Variants in DNTT observed in about 807,000 individuals in gnomAD.
DNTT encodes DNA nucleotidylexotransferase.
A neutral mutation model predicts 60.9 loss-of-function variants in DNTT; 47 were observed. The ratio of observed to expected loss-of-function variants is 0.77; its 90% CI spans 0.61 to 0.98. DNTT has a LOEUF of 0.98. Ranked by LOEUF, DNTT falls within the 50% of genes least tolerant of loss-of-function variation. DNTT has a pLI of 0.00. For synonymous variants in DNTT, 224 were observed against 221.2 expected (o/e 1.01, Z -0.11); for missense variants, 665 against 627.5 (o/e 1.06, Z -0.64).
Position 96,304,586 on chromosome 10 carries a change from T to C in DNTT, c.89T>C (p.Ile30Thr), listed in dbSNP as rs142422958. The C allele has an allele frequency of 1.2e-6, 2 of 1,614,108 alleles. No homozygotes were observed. The highest frequency in any genetic ancestry group is 2.7e-5 in the African/African-American group (2 of 75,010). The change falls in exon 1 of 11, where the codon ATC (isoleucine) becomes ACC (threonine). Residue 30 changes from isoleucine to threonine, a missense_variant. Physicochemically the swap from Ile to Thr is moderately conservative, Grantham distance 89. Coordinates refer to ENST00000371174, the MANE Select transcript of DNTT (RefSeq NM_004088.4). ...TTGATGGCCTCCTCTCCTCAAGACA[T>C]CAAATTTCAAGATTTGGTCGTCTTC... is the stretch of plus-strand genomic sequence containing the variant. ...GALMASSPQD[I>T]KFQDLVVFIL...
Position 96,320,604 on chromosome 10 carries a change from G to A in DNTT, c.508-14G>A. The A allele has an allele frequency of 1.2e-6, 2 of 1,612,980 alleles. No homozygotes were observed. The highest frequency in any genetic ancestry group is 8.5e-7 in the Non-Finnish European group (1 of 1,179,318). On this transcript the variant is annotated splice_polypyrimidine_tract_variant and intron_variant, in intron 3 of 10. Coordinates refer to ENST00000371174, the MANE Select transcript of DNTT (RefSeq NM_004088.4). ...TGGAAGCAAATCTCCTGCTTATCTG[G>A]TTTTATCCTGCAGGATGCCTTTGAT...
chr10:96,324,954 G>A (rs996852343), intron 6 of DNTT, among the ~76,000 whole-genome samples: 2 of 152,148 alleles, frequency 1.3e-5, no homozygotes, highest in East Asian at 3.9e-4. Context: ...TAGGCACAGG[G>A]TTGATATACC....
chr10:96,330,824 C>G (rs1844998615), intron 8 of DNTT, among the ~76,000 whole-genome samples: 1 of 152,154 alleles, frequency 6.6e-6, no homozygotes, highest in Admixed American at 6.5e-5. Flanking sequence ...ACTCTGGGGA[C>G]AGAGCCCTGC....
Position 96,310,482 on chromosome 10 carries a change from TAC to T in DNTT, c.203+5784_203+5785del, listed in dbSNP as rs1229309253. ...CAAACACAGATTCCCTGGTTTTCTT[TAC>T]AGTTTTTCTTGCTCTTTCCCTACCA... On this transcript the variant is annotated intron_variant, in intron 1 of 10. Coordinates refer to ENST00000371174, the MANE Select transcript of DNTT (RefSeq NM_004088.4). 4.6e-5 allele frequency among the ~76,000 whole-genome samples: 7 copies of T among 151,738 alleles called. No homozygotes were observed. In the South Asian group the frequency reaches 1.3e-3, roughly 27 times the overall value.
At position 96,320,748 on chromosome 10, in the gene DNTT, G is replaced by T; in HGVS notation, c.638G>T (p.Gly213Val). ...FTIISMKDTE[G>V]IPCLGSKVKG... ...ATCATCAGTATGAAGGACACAGAAG[G>T]AATTCCCTGCCTGGGGTCCAAGGTG... Residue 213 changes from glycine to valine, a missense_variant, in exon 4 of 11, where the codon GGA (glycine) becomes GTA (valine). By Grantham distance (109) the Gly-to-Val change is moderately radical (BLOSUM62 -3). Coordinates refer to ENST00000371174, the MANE Select transcript of DNTT (RefSeq NM_004088.4). 1 of 1,613,822 alleles carries T rather than the reference G, an allele frequency of 6.2e-7. No individual in the cohort carries two copies. The highest frequency in any genetic ancestry group is 8.5e-7 in the Non-Finnish European group (1 of 1,179,776).
intron 9 of DNTT, 62 bp downstream of exon 9, chr10:96,332,658 C>T: frequency 6.3e-7 from 1 of 1,582,866 alleles, no homozygotes; most frequent in South Asian, 1.2e-5. Context: ...GCCGAGTCTA[C>T]CTGGGCCCAG....
chr10:96,336,463 A>G (rs1845070943), intron 10 of DNTT, among the ~76,000 whole-genome samples: 1 of 152,170 alleles, frequency 6.6e-6, no homozygotes. Context: ...TACCCATGTC[A>G]CTCATTTGGT....
At chr10:96,318,793 G>A (rs1425044370) in intron 2 of DNTT, among the ~76,000 whole-genome samples, 3 of 152,174 alleles carry the variant, frequency 2.0e-5, no homozygotes, top group African/African-American at 7.2e-5. Context: ...GGCATCTAAC[G>A]AGTGGTCGCT....
At chr10:96,309,233 T>C (rs535429704) in intron 1 of DNTT, among the ~76,000 whole-genome samples, 6 of 152,300 alleles carry the variant, frequency 3.9e-5, no homozygotes, top group Middle Eastern at 3.4e-3. Flanking sequence ...CTGGAAGGCA[T>C]TGTCTTCAGT....
At chr10:96,304,821 C>G in intron 1 of DNTT, 121 bp downstream of exon 1, 2 of 1,117,742 alleles carry the variant, frequency 1.8e-6, no homozygotes, top group Non-Finnish European at 2.5e-6. Flanking sequence ...ACTGGGAGAA[C>G]AGCAGATTTG....
At chr10:96,318,158 C>T (rs1844811255) in intron 1 of DNTT, among the ~76,000 whole-genome samples, 194 bp from the exon 2 acceptor site, 2 of 152,194 alleles carry the variant, frequency 1.3e-5, no homozygotes, top group Non-Finnish European at 2.9e-5. Context: ...TGACATGTAA[C>T]CCGGACCACT....
At chr10:96,330,028 T>C (rs1323303068) in intron 8 of DNTT, among the ~76,000 whole-genome samples, 3 of 152,154 alleles carry the variant, frequency 2.0e-5, no homozygotes, top group South Asian at 2.1e-4. Flanking sequence ...AACATGCTGA[T>C]GTCAATATTC....
Position 96,338,297 on chromosome 10 carries a change from C to A in DNTT, c.*73C>A, listed in dbSNP as rs769017994. The A allele has an allele frequency of 7.9e-6, 11 of 1,394,948 alleles. No homozygotes were observed. The highest frequency in any genetic ancestry group is 1.1e-5 in the Non-Finnish European group (11 of 1,010,190). The allele number at this position is 1,394,948 out of a possible 1,614,324, so 86.4% of individuals were successfully genotyped here. A position where few individuals can be genotyped will look rare whatever the true frequency, so the allele number is the denominator to read the frequency against. On this transcript the variant is annotated 3_prime_UTR_variant, in exon 11 of 11. Coordinates refer to ENST00000371174, the MANE Select transcript of DNTT (RefSeq NM_004088.4). ...TTATGCTTCATATTAGTAAAAGATG[C>A]CATAGGAGAGTTTGGGGTTATTTAG... is the stretch of plus-strand genomic sequence containing the variant.
At chr10:96,330,149 C>A (rs1844989092) in intron 8 of DNTT, among the ~76,000 whole-genome samples, 1 of 152,188 alleles carries the variant, frequency 6.6e-6, no homozygotes, top group Non-Finnish European at 1.5e-5. Flanking sequence ...TGTTTGACAA[C>A]TGTGGCCTGC....
chr10:96,323,866 C>T (rs903097434), intron 5 of DNTT, among the ~76,000 whole-genome samples: 3 of 152,130 alleles, frequency 2.0e-5, no homozygotes, highest in Admixed American at 1.3e-4. Context: ...ACTATATAAC[C>T]TACATGAGCA....
chr10:96,305,711 C>T (rs1449499888), intron 1 of DNTT, among the ~76,000 whole-genome samples: 1 of 152,202 alleles, frequency 6.6e-6, no homozygotes, highest in African/African-American at 2.4e-5. Context: ...ACAAGCATGT[C>T]ATGCAGAAGA....
At chr10:96,321,495 T>A (rs1796648154) in intron 4 of DNTT, among the ~76,000 whole-genome samples, 1 of 152,048 alleles carries the variant, frequency 6.6e-6, no homozygotes, top group South Asian at 2.1e-4. Context: ...CTCCGGAAAG[T>A]CATAATCTGC....
rs761991033 is a variant in DNTT at position 96,335,997 on chromosome 10, G to GGC, written c.1443+24_1443+25dup. The GGC allele has an allele frequency of 5.0e-6, 8 of 1,612,686 alleles. No individual in the cohort carries two copies. The African/African-American group carries it at 1.1e-4, about 22-fold the overall frequency. ...AAGGTACAGTTCTCTTCCTAAAAGG[G>GGC]GCTACTTTGATCCTCATCCCCAAGG... On this transcript the variant is annotated intron_variant, in intron 10 of 10. Coordinates refer to ENST00000371174, the MANE Select transcript of DNTT (RefSeq NM_004088.4).
At chr10:96,331,596 G>A (rs1368695708) in intron 8 of DNTT, among the ~76,000 whole-genome samples, 1 of 152,046 alleles carries the variant, frequency 6.6e-6, no homozygotes, top group Non-Finnish European at 1.5e-5. Context: ...TTACCATGAG[G>A]ATGAGGACGG....
Sources: gnomAD v4.1 joint callset for allele counts (sites outside exome capture counted in the v4.1 genomes callset) on GRCh38, gnomAD v4.1.1 for gene constraint, MANE v1.5 for transcripts, NCBI Gene and HGNC (gene_info 2026-07-23, HGNC 2026-07-21) for gene names.